SDE2: variants seen among roughly 807,000 people sequenced by gnomAD.
SDE2 encodes the protein splicing regulator SDE2.
In SDE2, 31 loss-of-function variants were observed where a neutral mutation model predicts 46.9. That is an observed-to-expected ratio of 0.66 (90% CI 0.50 to 0.89). SDE2 has a LOEUF of 0.89. Ranked by LOEUF, SDE2 falls within the 40% of genes least tolerant of loss-of-function variation. SDE2 has a pLI of 0.00. For synonymous variants in SDE2, 205 were observed against 204.3 expected, an observed-to-expected ratio of 1.00 and a Z score of -0.03; for missense variants, 542 against 564.4, an observed-to-expected ratio of 0.96 and a Z score of 0.40.
intron 2 of SDE2, 25 bp downstream of exon 2, chr1:225,995,237 CAACT>C (rs773879391): frequency 1.9e-6 from 2 of 1,074,018 alleles, no homozygotes; most frequent in Admixed American, 3.7e-5. Flanking sequence ...AAATGTGTTA[CAACT>C]AAGTAGTCAA....
chr1:225,992,905 G>T lies in SDE2; in HGVS notation c.336C>A (p.Val112=). ...RDLSGRRLRD[V]NHEKAMAEWV... ...GGGCATCTTACGCTTTTTCATGATT[G>T]ACATCGCGTAGTCTCCTTCCACTGA... Residue 112 remains valine, a synonymous_variant, in exon 3 of 7, where the codon GTC becomes GTA. Transcript: ENST00000272091. The T allele has an allele frequency of 6.2e-7, 1 of 1,605,790 alleles. No homozygotes were observed. Among genetic ancestry groups the T allele is most frequent in the South Asian group, 1.1e-5 (1 of 90,666 alleles).
At chr1:225,988,770 A>G (rs944881798) in intron 5 of SDE2, among the ~76,000 whole-genome samples, 4 of 152,110 alleles carry the variant, frequency 2.6e-5, no homozygotes, top group African/African-American at 9.7e-5. Flanking sequence ...TTTGTTCAGG[A>G]AACAGAATCT....
In SDE2 at chr1:225,999,164, T is replaced by G. The variant is rs760010637; in HGVS notation, c.120+29A>C. The G allele has an allele frequency of 3.8e-6, 6 of 1,591,682 alleles. No homozygotes were observed. The African/African-American group carries it at 8.1e-5, about 21-fold the overall frequency. ...GCGCTGCCACCTGTCTGCCTCTTTC[T>G]CCTTCCTAACAGGAACCGAAATCCT... On this transcript the variant is annotated intron_variant, in intron 1 of 6. Coordinates refer to ENST00000272091, the MANE Select transcript of SDE2 (RefSeq NM_152608.4).
chr1:225,992,421 CG>C lies in SDE2; in HGVS notation c.496del (p.Arg166ValfsTer55). On this transcript the variant is annotated frameshift_variant, in exon 4 of 7. Coordinates refer to ENST00000272091, the MANE Select transcript of SDE2 (RefSeq NM_152608.4). LOFTEE classifies it high-confidence loss of function. ...YQQQCHEMAE[R>X]LEDSVLKGMQ... ...ACCTTTGAGGACGGAATCCTCCAGA[CG>C]CTCAGCCATCTCATGGCACTGCTGC... is the stretch of plus-strand genomic sequence containing the variant. 6.2e-7 allele frequency: 1 copy of C among 1,613,556 alleles called. No individual in the cohort carries two copies. Among genetic ancestry groups the C allele is most frequent in the Non-Finnish European group, 8.5e-7 (1 of 1,179,880 alleles).
chr1:225,992,830 CACT>C (rs1656432951), intron 3 of SDE2, 58 bp downstream of exon 3: 5 of 918,408 alleles, frequency 5.4e-6, no homozygotes, highest in South Asian at 4.2e-5. Context: ...TATGTATAAT[CACT>C]ACTAATAGGA....
At position 225,999,295 on chromosome 1, in the gene SDE2, C is replaced by A. The variant is rs1276701842; in HGVS notation, c.18G>T (p.Ala6=). The A allele has an allele frequency of 1.2e-6, 2 of 1,611,602 alleles. No homozygotes were observed. The highest frequency in any genetic ancestry group is 1.7e-6 in the Non-Finnish European group (2 of 1,179,158). ...AGCCAGGGCCGCGAATCCACACCAG[C>A]GCCGCGGCCTCCGCCATGTCACCGA... MAEAA[A]LVWIRGPGFG... Residue 6 remains alanine (A), a synonymous_variant, in exon 1 of 7, where the codon GCG becomes GCT. Coordinates refer to ENST00000272091, the MANE Select transcript of SDE2 (RefSeq NM_152608.4).
In SDE2 at chr1:225,987,955, G is replaced by A. The variant is rs1166441107; in HGVS notation, c.1075C>T (p.Pro359Ser). The stretch of plus-strand genomic sequence containing the variant: ...ACGGCAACGTTTTCCCTTTCTTCAG[G>A]TGCTACCTCAGCAACTCTTTCCCCA... Reference protein sequence around the residue: ...TDGERVAEVAPEERENVAVAK... With the variant: ...TDGERVAEVASEERENVAVAK... Residue 359 changes from proline (P) to serine (S), a missense_variant, in exon 6 of 7, where the codon CCT (proline) becomes TCT (serine). Pro to Ser is a moderately conservative substitution (Grantham distance 74). Around this residue, in one of 3 missense-constraint regions of SDE2, gnomAD observed 401 missense variants for 437.8 expected, o/e 0.92. Transcript: ENST00000272091. 3.1e-6 allele frequency: 5 copies of A among 1,613,710 alleles called. No individual in the cohort carries two copies. The highest frequency in any genetic ancestry group is 2.2e-5 in the East Asian group (1 of 44,892).
At chr1:225,989,607 C>T (rs1321047178) in intron 5 of SDE2, among the ~76,000 whole-genome samples, 1 of 142,510 alleles carries the variant, frequency 7.0e-6, no homozygotes, top group African/African-American at 2.6e-5. Flanking sequence ...CCAGCTTGGG[C>T]GACAGAGCAA....
At chr1:225,989,296 A>C (rs74411069) in intron 5 of SDE2, among the ~76,000 whole-genome samples, 1 of 14,062 alleles carries the variant, frequency 7.1e-5, no homozygotes, top group Non-Finnish European at 3.6e-4. Context: ...ACTGTCTCAA[A>C]AAAAAAAAAA....
chr1:225,989,804 G>A (rs572643799), intron 5 of SDE2, among the ~76,000 whole-genome samples: 3 of 152,002 alleles, frequency 2.0e-5, no homozygotes, highest in Non-Finnish European at 4.4e-5. Flanking sequence ...GGCTGGACGC[G>A]GTGGCTCACG....
At chr1:225,998,083 A>T (rs1248755675) in intron 1 of SDE2, among the ~76,000 whole-genome samples, 4 of 151,704 alleles carry the variant, frequency 2.6e-5, no homozygotes, top group Admixed American at 2.6e-4. Flanking sequence ...GGCCGAGATC[A>T]CGCCATTGCA....
At chr1:225,991,572 T>G (rs1369432005) in intron 4 of SDE2, among the ~76,000 whole-genome samples, 1 of 152,220 alleles carries the variant, frequency 6.6e-6, no homozygotes, top group East Asian at 1.9e-4. Context: ...AAAGCACCAC[T>G]GCACAATTTG....
rs1382048303 is a variant in SDE2, at chr1:225,985,405, G to C, written c.1253C>G (p.Thr418Ser). The C allele has an allele frequency of 5.6e-6, 9 of 1,614,128 alleles. No individual in the cohort carries two copies. Among genetic ancestry groups the C allele is most frequent in the African/African-American group, 1.3e-5 (1 of 75,034 alleles). The change falls in exon 7 of 7, where the codon ACT (threonine) becomes AGT (serine). Residue 418 changes from threonine to serine, a missense_variant. Around this residue, in one of 3 missense-constraint regions of SDE2, gnomAD observed 401 missense variants for 437.8 expected, o/e 0.92. Coordinates refer to ENST00000272091, the MANE Select transcript of SDE2 (RefSeq NM_152608.4). ...LMALGLKCGG[T>S]LQERAARLFS... is the part of the protein sequence containing the mutation. ...GAGTCTTGCTGCCCGCTCCTGCAGA[G>C]TGCCCCCACATTTCAGTCCAAGGGC...
chr1:225,985,584 T>A, intron 6 of SDE2, 61 bp from the exon 7 acceptor site: 2 of 1,054,022 alleles, frequency 1.9e-6, no homozygotes, highest in Non-Finnish European at 2.9e-6. Flanking sequence ...AAAGACTCTT[T>A]AACTGTCAAC....
chr1:225,997,852 C>T (rs1038329358), intron 1 of SDE2, among the ~76,000 whole-genome samples: 1 of 151,982 alleles, frequency 6.6e-6, no homozygotes, highest in African/African-American at 2.4e-5. Context: ...ACTCATAGGC[C>T]GGGAGGAGTG....
At chr1:225,997,325 A>T (rs1158220951) in intron 1 of SDE2, among the ~76,000 whole-genome samples, 1 of 152,172 alleles carries the variant, frequency 6.6e-6, no homozygotes, top group East Asian at 1.9e-4. Flanking sequence ...AACTTGAGCT[A>T]TTCTTACTTG....
Position 225,997,817 on chromosome 1 carries a change from A to C in SDE2, c.120+1376T>G, listed in dbSNP as rs188567150. Among the ~76,000 whole-genome samples, 1,486 of 152,284 alleles carry C rather than the reference A, an allele frequency of 9.8e-3. 10 individuals are homozygous for C. Among genetic ancestry groups the C allele is most frequent in the Non-Finnish European group, 0.016 (1,097 of 68,018 alleles). On this transcript the variant is annotated intron_variant, in intron 1 of 6. Coordinates refer to ENST00000272091, the MANE Select transcript of SDE2 (RefSeq NM_152608.4). ...ATTTTTTCTGGTTTCACTTTGGATC[A>C]ATTGTCAGCAAGTTTGAAAACTGTA...
At chr1:225,987,460 T>C (rs1485302021) in intron 6 of SDE2, among the ~76,000 whole-genome samples, 4 of 152,316 alleles carry the variant, frequency 2.6e-5, no homozygotes, top group Middle Eastern at 3.4e-3. Context: ...GCTGAAACTA[T>C]TGTTCAAGCT....
chr1:225,985,237 G>T lies in SDE2; in HGVS notation c.*65C>A. ...ATATCAACAGGAATACTGGTCAAGA[G>T]TCCACATTATGCAGGTTGTAAATGG... is the stretch of plus-strand genomic sequence containing the variant. On this transcript the variant is annotated 3_prime_UTR_variant, in exon 7 of 7. Coordinates refer to ENST00000272091, the MANE Select transcript of SDE2 (RefSeq NM_152608.4). 8.0e-7 allele frequency: 1 copy of T among 1,256,572 alleles called. No individual in the cohort carries two copies. The highest frequency in any genetic ancestry group is 1.2e-6 in the Non-Finnish European group (1 of 856,786). 77.8% of individuals were successfully genotyped at this position (1,256,572 alleles called of 1,614,324 possible). A position where few individuals can be genotyped will look rare whatever the true frequency, so the allele number is the denominator to read the frequency against.
Sources: gnomAD v4.1 joint callset for allele counts (sites outside exome capture counted in the v4.1 genomes callset) on GRCh38, gnomAD v4.1.1 for gene constraint, gnomAD v4.1.1 regional missense constraint, MANE v1.5 for transcripts, NCBI Gene and HGNC (gene_info 2026-07-23, HGNC 2026-07-21) for gene names.